The following KCNH5 variants were observed in gnomAD, a reference collection of about 807,000 sequenced individuals.
The protein encoded by KCNH5 is voltage-gated delayed rectifier potassium channel KCNH5.
A neutral mutation model predicts 96.1 loss-of-function variants in KCNH5; 46 were observed. The observed-to-expected ratio is 0.48, with a 90% confidence interval of 0.38 to 0.61. KCNH5 has a LOEUF of 0.61. Among genes scored for constraint, KCNH5 ranks in the 20% least tolerant of loss-of-function variants. The pLI is 0.00. For missense variants in KCNH5, 907 were observed against 1,225.8 expected, an observed-to-expected ratio of 0.74 and a Z score of 3.88; for synonymous variants, 439 against 449.8, an observed-to-expected ratio of 0.98 and a Z score of 0.30.
rs1419387442 is a variant in KCNH5 at position 62,900,819 on chromosome 14, A to G, written c.1369+49314T>C. On this transcript the variant is annotated intron_variant, in intron 7 of 10. Coordinates refer to ENST00000322893, the MANE Select transcript of KCNH5 (RefSeq NM_139318.5). ...CCATAAGATAATGAAAACACATGTG[A>G]CACACAGGGAGAAGATATTTGTAAC... 2.0e-5 allele frequency among the ~76,000 whole-genome samples: 3 copies of G among 152,222 alleles called. No homozygotes were observed. The East Asian group carries it at 5.8e-4, about 29-fold the overall frequency.
chr14:62,945,864 G>A (rs1416952523), intron 7 of KCNH5, among the ~76,000 whole-genome samples: 1 of 152,022 alleles, frequency 6.6e-6, no homozygotes, highest in Non-Finnish European at 1.5e-5. Context: ...GACTTAGGAG[G>A]ATAAGCCAAG....
intron 7 of KCNH5, among the ~76,000 whole-genome samples, chr14:62,888,856 A>G (rs1888649014): frequency 6.6e-6 from 1 of 152,214 alleles, no homozygotes; most frequent in Non-Finnish European, 1.5e-5. Flanking sequence ...CAACCCAATT[A>G]GAGAATTTAG....
At chr14:62,817,967 A>G (rs1215233621) in intron 8 of KCNH5, among the ~76,000 whole-genome samples, 1 of 150,668 alleles carries the variant, frequency 6.6e-6, no homozygotes, top group Non-Finnish European at 1.5e-5. Context: ...GTGAAAACGT[A>G]GAATGAACCT....
intron 10 of KCNH5, among the ~76,000 whole-genome samples, chr14:62,720,329 A>G (rs761802671): frequency 7.2e-5 from 11 of 152,186 alleles, no homozygotes; most frequent in South Asian, 2.1e-4. Context: ...GAGGACTCAC[A>G]TAATCTCACT....
At chr14:62,891,719 A>G in intron 7 of KCNH5, among the ~76,000 whole-genome samples, 1 of 152,138 alleles carries the variant, frequency 6.6e-6, no homozygotes, top group East Asian at 1.9e-4. Flanking sequence ...TTCGAACAGT[A>G]TGTGCTCATT....
intron 8 of KCNH5, among the ~76,000 whole-genome samples, chr14:62,812,060 C>T (rs903322291): frequency 1.3e-5 from 2 of 152,148 alleles, no homozygotes; most frequent in African/African-American, 4.8e-5. Context: ...GTCCTCTCAA[C>T]AAATTACTAG....
rs543742412 is a variant in KCNH5 at position 62,802,527 on chromosome 14, G to A, written c.1624C>T (p.Arg542Trp). The A allele has an allele frequency of 1.4e-5, 22 of 1,614,086 alleles. No individual in the cohort carries two copies. Among genetic ancestry groups the A allele is most frequent in the East Asian group, 1.3e-4 (6 of 44,854 alleles). ...MRADICVHLN[R>W]KVFNEHPAFR... ...GCAGGATGTTCATTAAAAACCTTCC[G>A]GTTTAGATGAACACAGATATCAGCT... The change falls in exon 9 of 11, where the codon CGG (arginine) becomes TGG (tryptophan). Residue 542 changes from arginine (R) to tryptophan (W), a missense_variant. Coordinates refer to ENST00000322893, the MANE Select transcript of KCNH5 (RefSeq NM_139318.5).
In KCNH5 at chr14:62,708,437, T is replaced by G. The variant is rs1884492172; in HGVS notation, c.2038A>C (p.Ser680Arg). The G allele has an allele frequency of 6.3e-7, 1 of 1,597,204 alleles. No homozygotes were observed. Among genetic ancestry groups the G allele is most frequent in the Non-Finnish European group, 8.5e-7 (1 of 1,173,618 alleles). ...TCCTCCTCCTCTTTCTTCACATCACTGATCTTACGAAAGATGATCTGTGGA... is the reference window on the plus strand; with the variant it reads ...TCCTCCTCCTCTTTCTTCACATCACGGATCTTACGAAAGATGATCTGTGGA... The part of the protein sequence containing the change: ...LRKRIIFRKI[S>R]DVKKEEEERL... The change falls in exon 11 of 11, where the codon AGT becomes CGT. Residue 680 changes from serine to arginine, a missense_variant. Coordinates refer to ENST00000322893, the MANE Select transcript of KCNH5 (RefSeq NM_139318.5).
intron 10 of KCNH5, among the ~76,000 whole-genome samples, chr14:62,777,252 G>A (rs896147155): frequency 1.3e-5 from 2 of 152,156 alleles, no homozygotes; most frequent in Non-Finnish European, 2.9e-5. Context: ...AAACAACATG[G>A]TAGTCTAAAA....
At chr14:62,991,222 T>C (rs1890802948) in intron 4 of KCNH5, among the ~76,000 whole-genome samples, 2 of 152,076 alleles carry the variant, frequency 1.3e-5, no homozygotes, top group South Asian at 4.1e-4. Flanking sequence ...GCATTATATG[T>C]AAATATTTAA....
At position 63,002,360 on chromosome 14, in the gene KCNH5, T is replaced by C. The variant is rs184587403; in HGVS notation, c.305-901A>G. Among the ~76,000 whole-genome samples, 6 of 152,326 alleles carry C rather than the reference T, an allele frequency of 3.9e-5. No homozygotes were observed. The East Asian group carries it at 9.7e-4, about 25-fold the overall frequency. On this transcript the variant is annotated intron_variant, in intron 3 of 10. Coordinates refer to ENST00000322893, the MANE Select transcript of KCNH5 (RefSeq NM_139318.5). ...AAATGCCTTCAAAGGTGTAATTATC[T>C]GTTAGGTGATAAAACACTGAAGGGA...
At chr14:63,005,880 T>C (rs1487638479) in intron 3 of KCNH5, among the ~76,000 whole-genome samples, 1 of 152,204 alleles carries the variant, frequency 6.6e-6, no homozygotes, top group Non-Finnish European at 1.5e-5. Flanking sequence ...CTACTTCTAC[T>C]AGGCTTTCTC....
chr14:62,786,678 C>T (rs765912364), intron 9 of KCNH5, among the ~76,000 whole-genome samples: 5 of 152,100 alleles, frequency 3.3e-5, no homozygotes, highest in Non-Finnish European at 7.4e-5. Context: ...CAGTGTCGAA[C>T]AAGTCTATCG....
At chr14:62,961,263 C>T (rs1328374350) in intron 6 of KCNH5, among the ~76,000 whole-genome samples, 1 of 152,146 alleles carries the variant, frequency 6.6e-6, no homozygotes, top group African/African-American at 2.4e-5. Context: ...CTTCTGCTCT[C>T]TACACTCTGT....
chr14:62,771,046 C>G (rs1595614942), intron 10 of KCNH5, among the ~76,000 whole-genome samples: 1 of 152,120 alleles, frequency 6.6e-6, no homozygotes, highest in East Asian at 1.9e-4. Flanking sequence ...CTCTCTCACT[C>G]TCTCACACAC....
intron 10 of KCNH5, among the ~76,000 whole-genome samples, chr14:62,760,893 A>G (rs1885733367): frequency 6.6e-6 from 1 of 152,254 alleles, no homozygotes; most frequent in Non-Finnish European, 1.5e-5. Context: ...CAGTCTAACC[A>G]CAGAGTAGCT....
chr14:63,027,580 T>C (rs1311828963), intron 1 of KCNH5, among the ~76,000 whole-genome samples: 2 of 151,004 alleles, frequency 1.3e-5, no homozygotes, highest in African/African-American at 4.9e-5. Flanking sequence ...GTCCATATTC[T>C]ATATTATTGA....
intron 4 of KCNH5, among the ~76,000 whole-genome samples, chr14:62,991,411 AG>A (rs1043039757): frequency 1.3e-5 from 2 of 151,980 alleles, no homozygotes; most frequent in African/African-American, 4.8e-5. Context: ...GGCAGAAAAA[AG>A]AAAAAAAAGT....
chr14:62,816,339 T>C (rs184892045), intron 8 of KCNH5, among the ~76,000 whole-genome samples: 99 of 152,114 alleles, frequency 6.5e-4, no homozygotes, highest in African/African-American at 2.3e-3. Context: ...AAAAAATATA[T>C]ATATATCAGT....
Sources: gnomAD v4.1 joint callset for allele counts (sites outside exome capture counted in the v4.1 genomes callset) on GRCh38, gnomAD v4.1.1 for gene constraint, MANE v1.5 for transcripts, NCBI Gene and HGNC (gene_info 2026-07-23, HGNC 2026-07-21) for gene names.